Variants in NDUFA12 observed in about 807,000 individuals in gnomAD.
NDUFA12 encodes the protein NADH dehydrogenase [ubiquinone] 1 alpha subcomplex subunit 12.
A neutral mutation model predicts 20.3 loss-of-function variants in NDUFA12; 17 were observed. That is an observed-to-expected ratio of 0.84 (90% confidence interval 0.57 to 1.26). The LOEUF (loss-of-function observed/expected upper bound fraction) is 1.26, where lower values mean the gene tolerates loss of function less well. Among genes scored for constraint, NDUFA12 ranks in the 50% most tolerant of loss-of-function variants. NDUFA12 has a pLI of 0.00. For missense variants in NDUFA12, 191 were observed against 183.7 expected (o/e 1.04, Z -0.23); for synonymous variants, 72 against 63.6 (o/e 1.13, Z -0.63).
At chr12:94,996,906 C>T in intron 2 of NDUFA12, 1 of 350,800 alleles carries the variant, frequency 2.9e-6, no homozygotes, top group Non-Finnish European at 5.5e-6. Flanking sequence ...ATAATTACCC[C>T]AGGTTCTGCC....
At chr12:94,999,222 A>G (rs1257254676) in intron 2 of NDUFA12, among the ~76,000 whole-genome samples, 1 of 152,236 alleles carries the variant, frequency 6.6e-6, no homozygotes, top group Non-Finnish European at 1.5e-5. Flanking sequence ...AAACAAAAAC[A>G]TAAAGTGGGG....
intron 3 of NDUFA12, among the ~76,000 whole-genome samples, chr12:94,993,663 G>A (rs1277466143): frequency 9.5e-6 from 1 of 105,630 alleles, no homozygotes; most frequent in Non-Finnish European, 2.0e-5. Flanking sequence ...AGCCAGGCAC[G>A]GTGGCTCATG....
chr12:94,991,909 C>A (rs774110672), intron 3 of NDUFA12, among the ~76,000 whole-genome samples: 1 of 152,130 alleles, frequency 6.6e-6, no homozygotes, highest in African/African-American at 2.4e-5. Context: ...GTCTCCACTA[C>A]GTCCTATTGT....
chr12:94,989,750 C>G (rs1010312636), intron 3 of NDUFA12, among the ~76,000 whole-genome samples: 2 of 152,226 alleles, frequency 1.3e-5, no homozygotes, highest in African/African-American at 4.8e-5. Flanking sequence ...AAAGGACTTG[C>G]TCCACTGAAT....
intron 3 of NDUFA12, 29 bp from the exon 4 acceptor site, chr12:94,971,649 T>C: frequency 6.2e-7 from 1 of 1,613,016 alleles, no homozygotes; most frequent in Non-Finnish European, 8.5e-7. Flanking sequence ...CCCAAACAGT[T>C]ATGAAGAGGC....
Position 94,971,793 on chromosome 12 carries a change from C to T in NDUFA12, c.258-173G>A, listed in dbSNP as rs1372294633. The T allele has an allele frequency of 1.6e-5, 13 of 794,234 alleles. No homozygotes were observed. In the South Asian group the frequency reaches 1.8e-4, roughly 11 times the overall value. The allele number at this position is 794,234 out of a possible 1,614,324, so 49.2% of individuals were successfully genotyped here. ...GATTTTTTCCATCTGAACATCCCTA[C>T]TCCTCAGGGATGGTATAAACATAAA... On this transcript the variant is annotated intron_variant, in intron 3 of 3. Coordinates refer to ENST00000327772, the MANE Select transcript of NDUFA12 (RefSeq NM_018838.5).
chr12:94,983,334 A>T (rs1417183250), intron 3 of NDUFA12, among the ~76,000 whole-genome samples: 2 of 152,172 alleles, frequency 1.3e-5, no homozygotes, highest in Non-Finnish European at 2.9e-5. Flanking sequence ...TAATAAATAG[A>T]CAACTGAAGT....
intron 3 of NDUFA12, among the ~76,000 whole-genome samples, chr12:94,973,686 T>A: frequency 6.6e-6 from 1 of 152,054 alleles, no homozygotes; most frequent in Non-Finnish European, 1.5e-5. Context: ...CATGGAGAAA[T>A]GGAAAATGCT....
intron 2 of NDUFA12, among the ~76,000 whole-genome samples, chr12:95,000,970 A>C (rs931581102): frequency 2.6e-5 from 4 of 152,236 alleles, no homozygotes; most frequent in Non-Finnish European, 5.9e-5. Context: ...TATTCTAAAA[A>C]ATGTTTAATT....
chr12:94,997,148 C>T (rs931341069), intron 2 of NDUFA12, among the ~76,000 whole-genome samples: 1 of 151,850 alleles, frequency 6.6e-6, no homozygotes, highest in Non-Finnish European at 1.5e-5. Flanking sequence ...CAAGACCAGC[C>T]CAGGTAAAAT....
chr12:95,000,492 A>G (rs1176177701), intron 2 of NDUFA12, among the ~76,000 whole-genome samples: 1 of 152,264 alleles, frequency 6.6e-6, no homozygotes, highest in Non-Finnish European at 1.5e-5. Flanking sequence ...TCTGCCCCAT[A>G]GTGTTAACAC....
At chr12:95,002,203 G>GA (rs1565820912) in intron 2 of NDUFA12, among the ~76,000 whole-genome samples, 1 of 150,450 alleles carries the variant, frequency 6.6e-6, no homozygotes, top group East Asian at 2.0e-4. Context: ...GCACTTTGGG[G>GA]GGCCAAGGCG....
chr12:94,994,397 C>T (rs1874751802), intron 2 of NDUFA12, 140 bp from the exon 3 acceptor site: 3 of 657,248 alleles, frequency 4.6e-6, no homozygotes, highest in Non-Finnish European at 7.8e-6. Context: ...GAATAACACC[C>T]TGGGTGAATT....
intron 3 of NDUFA12, among the ~76,000 whole-genome samples, chr12:94,982,861 T>G (rs1874289327): frequency 6.6e-6 from 1 of 152,142 alleles, no homozygotes; most frequent in African/African-American, 2.4e-5. Flanking sequence ...TTTATCTGGT[T>G]TCCAGGATAA....
intron 3 of NDUFA12, among the ~76,000 whole-genome samples, chr12:94,991,263 C>T (rs911473762): frequency 1.3e-5 from 2 of 150,988 alleles, no homozygotes; most frequent in Middle Eastern, 7.0e-3. Context: ...AACAGAGTGT[C>T]CCCGTCTCAA....
At chr12:94,986,633 T>TA (rs200377156) in intron 3 of NDUFA12, among the ~76,000 whole-genome samples, 23 of 56,016 alleles carry the variant, frequency 4.1e-4, no homozygotes, top group African/African-American at 1.6e-3. Context: ...CCCTATCTCC[T>TA]AAAAAAAAAC....
chr12:94,987,887 A>G (rs1021916395), intron 3 of NDUFA12, among the ~76,000 whole-genome samples: 2 of 151,830 alleles, frequency 1.3e-5, no homozygotes, highest in African/African-American at 4.8e-5. Context: ...AAAAATTCCC[A>G]CATCAAAGAT....
intron 3 of NDUFA12, among the ~76,000 whole-genome samples, chr12:94,972,066 G>A (rs1873907735): frequency 6.6e-6 from 1 of 151,992 alleles, no homozygotes; most frequent in Non-Finnish European, 1.5e-5. Flanking sequence ...AACACTACAA[G>A]AGCATGCCAC....
intron 3 of NDUFA12, among the ~76,000 whole-genome samples, chr12:94,978,909 T>C (rs1874145315): frequency 6.6e-6 from 1 of 152,156 alleles, no homozygotes; most frequent in Non-Finnish European, 1.5e-5. Context: ...TGACACAGTA[T>C]TTAGTGAGAC....
Sources: gnomAD v4.1 joint callset for allele counts (sites outside exome capture counted in the v4.1 genomes callset) on GRCh38, gnomAD v4.1.1 for gene constraint, MANE v1.5 for transcripts, NCBI Gene and HGNC (gene_info 2026-07-23, HGNC 2026-07-21) for gene names.